MAP4: variants seen among roughly 807,000 people sequenced by gnomAD.
The protein encoded by MAP4 is microtubule-associated protein 4.
MAP4 carries 76 observed loss-of-function variants against 170.2 expected under a neutral mutation model. The observed-to-expected ratio is 0.45, with a 90% CI of 0.37 to 0.54. The LOEUF (loss-of-function observed/expected upper bound fraction) is 0.54, where lower values mean the gene tolerates loss of function less well. Ranked by LOEUF, MAP4 falls within the 20% of genes least tolerant of loss-of-function variation. The pLI, the probability that MAP4 is intolerant of heterozygous loss-of-function variation, is 0.00. For synonymous variants in MAP4, 909 were observed against 994.5 expected (o/e 0.91, Z 1.62); for missense variants, 2,506 against 2,748.0 (o/e 0.91, Z 1.97).
At chr3:48,013,514 T>C (rs1320736868) in intron 1 of MAP4, 3 of 152,102 alleles carry the variant, frequency 2.0e-5, no homozygotes, top group Admixed American at 6.6e-5. Context: ...CTGAGTTCTC[T>C]AATCTGTAAA....
Position 48,066,244 on chromosome 3 carries a change from A to G in MAP4, c.-20+22529T>C, listed in dbSNP as rs561021891. 4.6e-5 allele frequency among the ~76,000 whole-genome samples: 7 copies of G among 152,270 alleles called. No individual in the cohort carries two copies. In the South Asian group the frequency reaches 8.3e-4, roughly 18 times the overall value. On this transcript the variant is annotated intron_variant, in intron 1 of 18. Coordinates refer to the MAP4 transcript ENST00000360240. ...AACTTCCTCCCCAGTATCTCTAAAT[A>G]CCCTGGCTCTGTTTTAACATAAGTT...
At chr3:48,052,534 A>G (rs143394282) in intron 1 of MAP4, among the ~76,000 whole-genome samples, 8 of 152,274 alleles carry the variant, frequency 5.3e-5, no homozygotes, top group Admixed American at 2.6e-4. Context: ...AGTAATGAAA[A>G]TGTTCTAAAA....
At chr3:48,038,036 C>T (rs999490291) in intron 1 of MAP4, among the ~76,000 whole-genome samples, 3 of 151,804 alleles carry the variant, frequency 2.0e-5, no homozygotes, top group African/African-American at 7.3e-5. Flanking sequence ...GCATTGGTGG[C>T]AGGCGTCTAT....
chr3:47,995,804 C>T (rs1206845391), intron 2 of MAP4, among the ~76,000 whole-genome samples: 1 of 152,104 alleles, frequency 6.6e-6, no homozygotes, highest in African/African-American at 2.4e-5. Context: ...AAACAAGCCC[C>T]TCCAGGAAAT....
chr3:47,916,532 G>A lies in MAP4; in HGVS notation c.1295C>T (p.Ser432Phe), dbSNP rs2100039295. 1.2e-6 allele frequency: 2 copies of A among 1,614,140 alleles called. No homozygotes were observed. The highest frequency in any genetic ancestry group is 1.7e-5 in the Admixed American group (1 of 60,022). ...NDIISSTEIS[S>F]AEKVALSSET... ...TGAGGACAAAGCCACCTTCTCAGCA[G>A]AGGATATTTCTGTGGATGATATAAT... Residue 432 changes from serine (S) to phenylalanine (F), a missense_variant, in exon 7 of 21, where the codon TCT (serine) becomes TTT (phenylalanine). Around this residue, in one of 3 missense-constraint regions of MAP4, gnomAD observed 2,008 missense variants for 2,206.0 expected, o/e 0.91. Transcript: ENST00000683076.
At chr3:47,930,557 T>A (rs1398218299) in intron 3 of MAP4, among the ~76,000 whole-genome samples, 1 of 151,808 alleles carries the variant, frequency 6.6e-6, no homozygotes, top group Non-Finnish European at 1.5e-5. Context: ...TATCTGCAAA[T>A]CATAAATCTG....
chr3:47,989,197 G>A (rs1168480191), intron 2 of MAP4, among the ~76,000 whole-genome samples: 23 of 152,186 alleles, frequency 1.5e-4, no homozygotes, highest in Admixed American at 1.5e-3. Flanking sequence ...GGCTGCTTGA[G>A]GCCAGGAGTT....
Position 47,869,306 on chromosome 3 carries a change from C to G in MAP4, c.6316G>C (p.Glu2106Gln). ...GGRAKVEKKT[E>Q]AAATTRKPES... ...GGCTTTCGGGTTGTAGCAGCTGCCT[C>G]TGTTTTTTTCTCTACTTTGGCCTGG... Residue 2106 changes from glutamate to glutamine, a missense_variant, in exon 16 of 21, where the codon GAG (glutamate) becomes CAG (glutamine). Transcript: ENST00000683076. 6.2e-7 allele frequency: 1 copy of G among 1,613,764 alleles called. No individual in the cohort carries two copies. The highest frequency in any genetic ancestry group is 1.3e-5 in the African/African-American group (1 of 75,028).
chr3:47,975,288 C>G, intron 3 of MAP4: 1 of 1,482,026 alleles, frequency 6.7e-7, no homozygotes, highest in South Asian at 1.4e-5. Flanking sequence ...AGGTTGTTTG[C>G]TCAGGCATCA....
chr3:48,086,533 G>A (rs113670175), intron 1 of MAP4, among the ~76,000 whole-genome samples: 170 of 152,202 alleles, frequency 1.1e-3, no homozygotes, highest in African/African-American at 2.9e-3. Flanking sequence ...CAGCTACTCC[G>A]GAGGCTGTGG....
At chr3:47,871,396 G>T in intron 13 of MAP4, 110 bp from the exon 14 acceptor site, 2 of 926,282 alleles carry the variant, frequency 2.2e-6, no homozygotes, top group Non-Finnish European at 3.5e-6. Context: ...TCTACTTTGA[G>T]CCAGGGACTG....
At chr3:47,867,782 A>G (rs954904911) in intron 16 of MAP4, among the ~76,000 whole-genome samples, 1 of 152,158 alleles carries the variant, frequency 6.6e-6, no homozygotes, top group South Asian at 2.1e-4. Context: ...GCTTCCCTTA[A>G]ATCTGGGCCC....
intron 10 of MAP4, chr3:47,892,736 C>G: frequency 7.5e-7 from 1 of 1,330,330 alleles, no homozygotes; most frequent in South Asian, 1.9e-5. Flanking sequence ...TTCTGCACAA[C>G]AAAATGCTAC....
Position 47,916,879 on chromosome 3 carries a change from C to G in MAP4, c.948G>C (p.Leu316=). ...CTGTGGGCCATCTGACATCCTTAAC[C>G]AGGGCCACTTCTTTTTCTGTGGGTA... The part of the protein sequence containing the change: ...MELPTEKEVA[L]VKDVRWPTET... The change falls in exon 7 of 21, where the codon CTG becomes CTC. Residue 316 remains leucine, a synonymous_variant. Coordinates refer to ENST00000683076, the MANE Select transcript of MAP4 (RefSeq NM_001385682.1). 1 of 1,614,222 alleles carries G rather than the reference C, an allele frequency of 6.2e-7. No individual in the cohort carries two copies. Among genetic ancestry groups the G allele is most frequent in the East Asian group, 2.2e-5 (1 of 44,882 alleles).
intron 3 of MAP4, among the ~76,000 whole-genome samples, chr3:47,975,694 T>G (rs2100081673): frequency 6.6e-6 from 1 of 152,072 alleles, no homozygotes; most frequent in Non-Finnish European, 1.5e-5. Flanking sequence ...GATGGCCAAA[T>G]TAGAATGAAG....
chr3:47,996,472 C>T (rs1001884053), intron 2 of MAP4, among the ~76,000 whole-genome samples: 1 of 152,066 alleles, frequency 6.6e-6, no homozygotes, highest in African/African-American at 2.4e-5. Context: ...CTCTGAGGCA[C>T]GGGTACACAG....
chr3:47,862,225 G>C (rs1173095211), intron 17 of MAP4, among the ~76,000 whole-genome samples: 1 of 147,874 alleles, frequency 6.8e-6, no homozygotes, highest in African/African-American at 2.5e-5. Flanking sequence ...TCTGACATAA[G>C]AGTCCTATGT....
chr3:47,937,026 C>G (rs1246541298), intron 3 of MAP4, among the ~76,000 whole-genome samples: 1 of 151,180 alleles, frequency 6.6e-6, no homozygotes, highest in South Asian at 2.1e-4. Context: ...ATCAGGAGAC[C>G]CAGGTTCTAA....
chr3:47,969,637 C>T (rs2100077367), intron 3 of MAP4, among the ~76,000 whole-genome samples: 2 of 152,202 alleles, frequency 1.3e-5, no homozygotes, highest in African/African-American at 4.8e-5. Flanking sequence ...GCTACAGCAT[C>T]CAGCTGCACA....
Sources: allele counts gnomAD v4.1 joint callset (sites outside exome capture counted in the v4.1 genomes callset), GRCh38; gene constraint gnomAD v4.1.1; regional missense constraint gnomAD v4.1.1; transcripts MANE v1.5; gene names NCBI Gene and HGNC (gene_info 2026-07-23, HGNC 2026-07-21).